Variants in CYP2J2 observed in about 807,000 individuals in gnomAD.
CYP2J2 encodes the protein cytochrome P450 family 2 subfamily J member 2, also known as cytochrome P450 2J2.
A neutral mutation model predicts 48.8 loss-of-function variants in CYP2J2; 41 were observed. That is an observed-to-expected ratio of 0.84 (90% CI 0.66 to 1.09). The LOEUF (loss-of-function observed/expected upper bound fraction) is 1.09, where lower values mean the gene tolerates loss of function less well. Among genes scored for constraint, CYP2J2 ranks in the 50% least tolerant of loss-of-function variants. CYP2J2 has a pLI of 0.00. For synonymous variants in CYP2J2, 221 were observed against 227.1 expected (o/e 0.97, Z 0.24); for missense variants, 644 against 617.3 (o/e 1.04, Z -0.46).
At chr1:59,899,092 T>C (rs1180426592) in intron 8 of CYP2J2, among the ~76,000 whole-genome samples, 3 of 152,206 alleles carry the variant, frequency 2.0e-5, no homozygotes, top group Non-Finnish European at 4.4e-5. Flanking sequence ...ATTCCTCTCA[T>C]CACGGTTGCA....
At chr1:59,951,117 C>G in the CYP2J2 span, among the ~76,000 whole-genome samples, 30 of 152,306 alleles carry the variant, frequency 2.0e-4, no homozygotes, top group African/African-American at 7.2e-4. Flanking sequence ...AATTTCCACA[C>G]TAGCTAAGGA....
At position 59,926,611 on chromosome 1, in the gene CYP2J2, C is replaced by T. The variant is rs754658889; in HGVS notation, c.136G>A (p.Gly46Arg). 1.9e-6 allele frequency: 3 copies of T among 1,614,132 alleles called. No individual in the cohort carries two copies. Among genetic ancestry groups the T allele is most frequent in the African/African-American group, 2.7e-5 (2 of 74,944 alleles). ...CCAAGGAAGGGCAGGCGCCAGGGCC[C>T]CGGCGGGTAGTTCTTTGGGCGCCGT... ...KRRRPKNYPP[G>R]PWRLPFLGNF... Residue 46 changes from glycine to arginine, a missense_variant, in exon 1 of 9, where the codon GGG (glycine) becomes AGG (arginine). Transcript: ENST00000371204.
At chr1:59,938,900 C>T in the CYP2J2 span, among the ~76,000 whole-genome samples, 2 of 152,206 alleles carry the variant, frequency 1.3e-5, no homozygotes, top group Non-Finnish European at 2.9e-5. Flanking sequence ...TAGAGAATGG[C>T]GATGACTTTT....
chr1:59,942,531 T>C, the CYP2J2 span, among the ~76,000 whole-genome samples: 9 of 152,272 alleles, frequency 5.9e-5, no homozygotes, highest in East Asian at 1.9e-4. Flanking sequence ...AGGGTCAGTT[T>C]GGTTTATATT....
At chr1:59,943,143 T>G in the CYP2J2 span, among the ~76,000 whole-genome samples, 1 of 152,204 alleles carries the variant, frequency 6.6e-6, no homozygotes. Context: ...AGTAGAAAGC[T>G]GATTATTCAG....
At chr1:59,936,407 T>G in the CYP2J2 span, among the ~76,000 whole-genome samples, 1 of 152,034 alleles carries the variant, frequency 6.6e-6, no homozygotes, top group Non-Finnish European at 1.5e-5. Flanking sequence ...CTCCCAAAAC[T>G]CCATAATCAT....
intron 8 of CYP2J2, among the ~76,000 whole-genome samples, chr1:59,900,699 C>T (rs1574246790): frequency 6.6e-6 from 1 of 152,110 alleles, no homozygotes; most frequent in Non-Finnish European, 1.5e-5. Context: ...GTCTGGATCT[C>T]TGTCACCAGT....
At chr1:59,905,555 A>G (rs902119119) in intron 6 of CYP2J2, among the ~76,000 whole-genome samples, 3 of 152,244 alleles carry the variant, frequency 2.0e-5, no homozygotes, top group Admixed American at 1.3e-4. Context: ...TAGCAGATCT[A>G]CAGACTCTAA....
At chr1:59,940,164 C>T in the CYP2J2 span, among the ~76,000 whole-genome samples, 107 of 152,324 alleles carry the variant, frequency 7.0e-4, no homozygotes, top group African/African-American at 2.3e-3. Context: ...ATAGCCACCA[C>T]CGCTGGGAAT....
At chr1:59,907,236 G>T (rs1205002580) in intron 6 of CYP2J2, among the ~76,000 whole-genome samples, 2 of 152,150 alleles carry the variant, frequency 1.3e-5, no homozygotes, top group Non-Finnish European at 1.5e-5. Context: ...GAAGAGCTAG[G>T]AGTTTACTAT....
At chr1:59,911,128 A>C (rs1398631451) in intron 4 of CYP2J2, among the ~76,000 whole-genome samples, 1 of 152,256 alleles carries the variant, frequency 6.6e-6, no homozygotes, top group African/African-American at 2.4e-5. Flanking sequence ...CCGTCAGTAC[A>C]GAACAGATTG....
chr1:59,905,925 GCTTGTAATCCCAGCA>G (rs1254494330), intron 6 of CYP2J2, among the ~76,000 whole-genome samples: 1 of 152,114 alleles, frequency 6.6e-6, no homozygotes, highest in East Asian at 1.9e-4. Context: ...TTTTCCTCAC[GCTTGTAATCCCAGCA>G]CTTTGGGAGG....
At chr1:59,901,234 C>G in intron 7 of CYP2J2, 131 bp from the exon 8 acceptor site, 1 of 868,922 alleles carries the variant, frequency 1.2e-6, no homozygotes, top group Non-Finnish European at 1.8e-6. Context: ...AATTGTGGTA[C>G]ACAGTCTCCT....
chr1:59,940,289 G>A, the CYP2J2 span, among the ~76,000 whole-genome samples: 1 of 152,170 alleles, frequency 6.6e-6, no homozygotes. Context: ...GTTAGCAAGT[G>A]ATGACTCCTG....
Position 59,911,686 on chromosome 1 carries a change from C to T in CYP2J2, c.606G>A (p.Glu202=), listed in dbSNP as rs1339792069. 2.5e-6 allele frequency: 4 copies of T among 1,613,582 alleles called. No individual in the cohort carries two copies. The highest frequency in any genetic ancestry group is 1.7e-5 in the Admixed American group (1 of 60,004). ...GCTGCTGAAACCAACTATCCTGGTA[C>T]TCAAAGCGTTCTCCGAAGGTGATGG... The part of the protein sequence containing the change: ...ICSITFGERF[E]YQDSWFQQLL... The change falls in exon 4 of 9, where the codon GAG becomes GAA. Residue 202 remains glutamate (E), a synonymous_variant. Coordinates refer to ENST00000371204, the MANE Select transcript of CYP2J2 (RefSeq NM_000775.4).
At chr1:59,895,153 C>T (rs932303258) in intron 8 of CYP2J2, among the ~76,000 whole-genome samples, 1 of 152,222 alleles carries the variant, frequency 6.6e-6, no homozygotes, top group African/African-American at 2.4e-5. Context: ...CCCGAGGTCC[C>T]ATTCAGGGTT....
the CYP2J2 span, among the ~76,000 whole-genome samples, chr1:59,966,552 ACT>A: frequency 2.6e-5 from 4 of 152,166 alleles, no homozygotes; most frequent in African/African-American, 9.7e-5. Flanking sequence ...ACTTTATGAC[ACT>A]GTTTTTGCCT....
chr1:59,949,290 T>C, the CYP2J2 span, among the ~76,000 whole-genome samples: 1 of 152,200 alleles, frequency 6.6e-6, no homozygotes, highest in East Asian at 1.9e-4. Flanking sequence ...TTTCTAGTCA[T>C]TTTTCAAAAG....
At position 59,893,484 on chromosome 1, in the gene CYP2J2, G is replaced by T; in HGVS notation, c.*167C>A. ...TGATTTTCCCAAGGCTAATTCGGAC[G>T]AGACAGTAGAGCTGGGATTTGGATC... On this transcript the variant is annotated 3_prime_UTR_variant, in exon 9 of 9. Coordinates refer to ENST00000371204, the MANE Select transcript of CYP2J2 (RefSeq NM_000775.4). The T allele has an allele frequency of 2.0e-6, 1 of 503,574 alleles. No homozygotes were observed. Among genetic ancestry groups the T allele is most frequent in the Non-Finnish European group, 3.5e-6 (1 of 288,092 alleles). The allele number at this position is 503,574 out of a possible 1,614,324, so 31.2% of individuals were successfully genotyped here.
Sources: gnomAD v4.1 joint callset for allele counts (sites outside exome capture counted in the v4.1 genomes callset) on GRCh38, gnomAD v4.1.1 for gene constraint, MANE v1.5 for transcripts, NCBI Gene and HGNC (gene_info 2026-07-23, HGNC 2026-07-21) for gene names.